Variants in UBAC2 observed in about 807,000 individuals in gnomAD.
UBAC2 encodes ubiquitin-associated domain-containing protein 2.
UBAC2 carries 26 observed loss-of-function variants against 44.0 expected under a neutral mutation model. The ratio of observed to expected loss-of-function variants is 0.59; its 90% CI spans 0.43 to 0.82. The LOEUF is 0.82. UBAC2 is among the 40% of genes least tolerant of loss of function. The pLI is 0.00. For synonymous variants in UBAC2, 155 were observed against 154.3 expected (o/e 1.00, Z -0.04); for missense variants, 329 against 419.4 (o/e 0.78, Z 1.88).
intron 6 of UBAC2, among the ~76,000 whole-genome samples, chr13:99,319,085 C>T (rs1034244824): frequency 6.6e-6 from 1 of 151,986 alleles, no homozygotes; most frequent in Admixed American, 6.6e-5. Context: ...TGGACCTGAC[C>T]AAAGTCTCAT....
Position 99,295,021 on chromosome 13 carries a change from A to G in UBAC2, c.390-19076A>G, listed in dbSNP as rs548559580. 1.3e-5 allele frequency: 20 copies of G among 1,564,354 alleles called. No individual in the cohort carries two copies. The South Asian group carries it at 2.3e-4, about 18-fold the overall frequency. ...TAAGGGAAGTCCTGCAAAGTTTGTC[A>G]TACAGTTTACGTCACTATAAACCAA... On this transcript the variant is annotated intron_variant, in intron 4 of 8. Coordinates refer to ENST00000403766, the MANE Select transcript of UBAC2 (RefSeq NM_001144072.2). This position sits in a 1 kb window ranked among gnomAD's most constrained non-coding sequence, Gnocchi z 4.1.
At chr13:99,215,886 C>T (rs529652695) in intron 1 of UBAC2, 117 of 432,960 alleles carry the variant, frequency 2.7e-4, no homozygotes, top group Middle Eastern at 6.1e-4. Flanking sequence ...TATTCCTGAT[C>T]GGATCAAAGA....
chr13:99,348,828 T>C (rs558556972), intron 7 of UBAC2, among the ~76,000 whole-genome samples: 22 of 152,144 alleles, frequency 1.4e-4, no homozygotes, highest in Non-Finnish European at 3.1e-4. Context: ...CTGGGCAACA[T>C]AGTGAGACCT....
intron 7 of UBAC2, among the ~76,000 whole-genome samples, chr13:99,348,827 A>C (rs538270120): frequency 1.9e-4 from 29 of 152,212 alleles, no homozygotes; most frequent in Non-Finnish European, 3.8e-4. Context: ...CCTGGGCAAC[A>C]TAGTGAGACC....
At chr13:99,221,498 C>T (rs2043051655) in intron 1 of UBAC2, among the ~76,000 whole-genome samples, 1 of 152,178 alleles carries the variant, frequency 6.6e-6, no homozygotes, top group African/African-American at 2.4e-5. Context: ...TTCTGCTGCT[C>T]ACTAGCTTCT....
Position 99,202,272 on chromosome 13 carries a change from T to C in UBAC2, c.31+1333T>C, listed in dbSNP as rs561535447. Among the ~76,000 whole-genome samples the C allele has an allele frequency of 2.4e-3, 363 of 152,304 alleles. 4 individuals are homozygous for C. Among genetic ancestry groups the C allele is most frequent in the South Asian group, 0.011 (52 of 4,826 alleles). On this transcript the variant is annotated intron_variant, in intron 1 of 8. Coordinates refer to ENST00000403766, the MANE Select transcript of UBAC2 (RefSeq NM_001144072.2). ...TTTGTTTCATAATTAATTTGATTTATGGCATCTTTCATGGATTGGTCCCGG... is the reference window on the plus strand; with the variant it reads ...TTTGTTTCATAATTAATTTGATTTACGGCATCTTTCATGGATTGGTCCCGG...
At chr13:99,333,591 T>A in intron 6 of UBAC2, among the ~76,000 whole-genome samples, 1 of 152,186 alleles carries the variant, frequency 6.6e-6, no homozygotes, top group East Asian at 1.9e-4. Context: ...CCATTCAGAG[T>A]TTACATTTAG....
chr13:99,279,919 A>G (rs1218107056), intron 4 of UBAC2, among the ~76,000 whole-genome samples: 1 of 152,260 alleles, frequency 6.6e-6, no homozygotes, highest in East Asian at 1.9e-4. Flanking sequence ...TTTGGAGAGG[A>G]CAGAAACATT....
intron 1 of UBAC2, among the ~76,000 whole-genome samples, chr13:99,218,924 A>G (rs899532002): frequency 1.3e-5 from 2 of 152,176 alleles, no homozygotes; most frequent in Non-Finnish European, 2.9e-5. Context: ...TGGAAGTGCA[A>G]GGTGTCTCTT....
chr13:99,215,792 A>G, intron 1 of UBAC2: 1 of 847,970 alleles, frequency 1.2e-6, no homozygotes, highest in Non-Finnish European at 1.9e-6. Flanking sequence ...CAAGGCAGAG[A>G]AAGGGCTAAT....
chr13:99,214,037 T>G (rs1664014241), intron 1 of UBAC2, among the ~76,000 whole-genome samples: 1 of 152,024 alleles, frequency 6.6e-6, no homozygotes, highest in Non-Finnish European at 1.5e-5. Flanking sequence ...CAGGCTGGTC[T>G]CGAACTCCCA....
At position 99,295,058 on chromosome 13, in the gene UBAC2, TTTCAC is replaced by T; in HGVS notation, c.390-19036_390-19032del. Reference sequence around the variant, plus strand: ...TCACTATAAACCAAAATACAATCCATTTCACTTTCCATTTGAAGACTTGGAATGTA... The same window carrying T: ...TCACTATAAACCAAAATACAATCCATTTTCCATTTGAAGACTTGGAATGTA... On this transcript the variant is annotated intron_variant, in intron 4 of 8. Coordinates refer to ENST00000403766, the MANE Select transcript of UBAC2 (RefSeq NM_001144072.2). This position sits in a 1 kb window ranked among gnomAD's most constrained non-coding sequence, Gnocchi z 4.1. 6.2e-7 allele frequency: 1 copy of T among 1,612,142 alleles called. No homozygotes were observed. The highest frequency in any genetic ancestry group is 8.5e-7 in the Non-Finnish European group (1 of 1,178,966).
At chr13:99,304,111 C>G (rs2044295982) in intron 4 of UBAC2, among the ~76,000 whole-genome samples, 1 of 152,206 alleles carries the variant, frequency 6.6e-6, no homozygotes, top group Admixed American at 6.5e-5. Flanking sequence ...CACAAGTTCC[C>G]TCATGATCTG....
At chr13:99,238,896 A>G (rs1302154095) in intron 2 of UBAC2, among the ~76,000 whole-genome samples, 2 of 152,178 alleles carry the variant, frequency 1.3e-5, no homozygotes, top group Non-Finnish European at 2.9e-5. Context: ...CCTTGTCTCA[A>G]TTTGAATATT....
At chr13:99,241,017 T>G (rs1380426780) in intron 2 of UBAC2, among the ~76,000 whole-genome samples, 4 of 152,068 alleles carry the variant, frequency 2.6e-5, no homozygotes, top group Non-Finnish European at 5.9e-5. Context: ...TTCAGCACCT[T>G]GGGAGGCCAA....
intron 4 of UBAC2, among the ~76,000 whole-genome samples, chr13:99,281,961 A>G (rs1320017375): frequency 6.6e-6 from 1 of 152,220 alleles, no homozygotes; most frequent in Non-Finnish European, 1.5e-5. Flanking sequence ...CCAGAAGTCT[A>G]CATGAAGCCA....
Position 99,202,387 on chromosome 13 carries a change from G to A in UBAC2, c.31+1448G>A, listed in dbSNP as rs540666951. 3.0e-4 allele frequency among the ~76,000 whole-genome samples: 46 copies of A among 152,284 alleles called. 1 individual carries two copies. The highest frequency in any genetic ancestry group is 5.3e-4 in the Non-Finnish European group (36 of 68,016). ...TAGCTGAAGCTGACAGTTCAAGAAGGCAATGTGGTTTTCCTGGGATCACAC... is the reference window on the plus strand; with the variant it reads ...TAGCTGAAGCTGACAGTTCAAGAAGACAATGTGGTTTTCCTGGGATCACAC... On this transcript the variant is annotated intron_variant, in intron 1 of 8. Transcript: ENST00000403766.
chr13:99,292,718 G>GTT (rs34731765), intron 4 of UBAC2, among the ~76,000 whole-genome samples: 80,462 of 147,952 alleles, frequency 0.54, 22,115 homozygotes, highest in Middle Eastern at 0.69. Flanking sequence ...AGCTTTGAGG[G>GTT]TTTTTTTTTT....
chr13:99,223,542 G>GTTTTT (rs145143990), intron 1 of UBAC2, among the ~76,000 whole-genome samples: 22 of 62,426 alleles, frequency 3.5e-4, no homozygotes, highest in Admixed American at 9.4e-4. Flanking sequence ...CTCTTTTTCT[G>GTTTTT]TTTTTTTTTT....
Sources: allele counts gnomAD v4.1 joint callset (sites outside exome capture counted in the v4.1 genomes callset), GRCh38; gene constraint gnomAD v4.1.1; non-coding constraint Gnocchi (gnomAD v3.1); transcripts MANE v1.5; gene names NCBI Gene and HGNC (gene_info 2026-07-23, HGNC 2026-07-21).